The following CHMP5 variants were observed in gnomAD, a reference collection of about 807,000 sequenced individuals.
CHMP5 encodes the protein charged multivesicular body protein 5.
In CHMP5, 17 loss-of-function variants were observed where a neutral mutation model predicts 33.0. That is an observed-to-expected ratio of 0.52 (90% CI 0.35 to 0.77). The LOEUF (loss-of-function observed/expected upper bound fraction) is 0.77. CHMP5 is among the 30% of genes least tolerant of loss of function. CHMP5 has a pLI of 0.01. For synonymous variants in CHMP5, 76 were observed against 90.2 expected (o/e 0.84, Z 0.89); for missense variants, 216 against 261.5 (o/e 0.83, Z 1.20).
chr9:33,267,951 T>G, intron 3 of CHMP5, 52 bp downstream of exon 3: 4 of 1,209,056 alleles, frequency 3.3e-6, no homozygotes, highest in Non-Finnish European at 4.9e-6. Context: ...AAAAGAGAAA[T>G]GGTCTTCCAT....
At chr9:33,265,663 C>G (rs186013760) in intron 1 of CHMP5, among the ~76,000 whole-genome samples, 21 of 152,356 alleles carry the variant, frequency 1.4e-4, no homozygotes, top group African/African-American at 5.1e-4. Context: ...GCTGGTTTCA[C>G]TTGGCACTGG....
intron 5 of CHMP5, 139 bp downstream of exon 5, chr9:33,271,362 G>C (rs1820792743): frequency 5.9e-6 from 4 of 681,248 alleles, no homozygotes; most frequent in African/African-American, 1.8e-5. Context: ...CTTCGAGAAA[G>C]GGTACCAAAT....
At chr9:33,276,585 T>C (rs1820857843) in intron 6 of CHMP5, 21 bp downstream of exon 6, 7 of 1,385,216 alleles carry the variant, frequency 5.1e-6, no homozygotes, top group Non-Finnish European at 6.1e-6. Context: ...AGAAAAGTAA[T>C]GTATATTTAG....
chr9:33,270,749 T>C, intron 4 of CHMP5, 33 bp downstream of exon 4: 1 of 1,518,680 alleles, frequency 6.6e-7, no homozygotes, highest in Non-Finnish European at 9.1e-7. Context: ...TGTTATTTCA[T>C]GTATTTATTC....
At chr9:33,275,709 G>A (rs1820846601) in intron 5 of CHMP5, among the ~76,000 whole-genome samples, 1 of 152,028 alleles carries the variant, frequency 6.6e-6, no homozygotes. Context: ...CTTCCATGAG[G>A]CACTTTAAAA....
rs547842214 is a variant in CHMP5, at chr9:33,282,062, G to C, written c.*1203G>C. The C allele has an allele frequency of 6.6e-6, 1 of 152,290 alleles. No homozygotes were observed. The highest frequency in any genetic ancestry group is 1.9e-4 in the East Asian group (1 of 5,188). The allele number at this position is 152,290 out of a possible 1,614,324, so 9.4% of individuals were successfully genotyped here. ...TGCAGATCAAACCAATAAACATTTA[G>C]GAACACCAGCTTTGTAGAAGTCTCT... On this transcript the variant is annotated 3_prime_UTR_variant, in exon 8 of 8. Transcript: ENST00000223500.
intron 3 of CHMP5, among the ~76,000 whole-genome samples, chr9:33,269,645 A>T (rs879744251): frequency 6.6e-6 from 1 of 152,238 alleles, no homozygotes; most frequent in Admixed American, 6.5e-5. Context: ...TCACTTCTGT[A>T]TATTTATCAT....
rs953449698 is a variant in CHMP5 at position 33,267,847 on chromosome 9, C to T, written c.175-6C>T. On this transcript the variant is annotated splice_polypyrimidine_tract_variant and splice_region_variant and intron_variant, in intron 2 of 7. Coordinates refer to ENST00000223500, the MANE Select transcript of CHMP5 (RefSeq NM_016410.6). ...TTATTTTTATTAAATCTGTTTTTCTCTCCAGAATATGGTCAAGCAGAAAGC... is the reference window on the plus strand; with the variant it reads ...TTATTTTTATTAAATCTGTTTTTCTTTCCAGAATATGGTCAAGCAGAAAGC... 6 of 1,604,522 alleles carry T rather than the reference C, an allele frequency of 3.7e-6. No homozygotes were observed. The African/African-American group carries it at 4.0e-5, about 11-fold the overall frequency.
chr9:33,279,832 C>T (rs550576790), intron 7 of CHMP5, among the ~76,000 whole-genome samples: 1 of 145,512 alleles, frequency 6.9e-6, no homozygotes, highest in Admixed American at 7.0e-5. Flanking sequence ...CATTGTACCA[C>T]TCCAGCCTGG....
At position 33,278,178 on chromosome 9, in the gene CHMP5, T is replaced by C; in HGVS notation, c.562T>C (p.Ser188Pro). The C allele has an allele frequency of 6.2e-7, 1 of 1,613,572 alleles. No homozygotes were observed. The highest frequency in any genetic ancestry group is 1.7e-5 in the Admixed American group (1 of 59,998). ...EDSSYLDEAASAPAIPEGVPT... is the reference protein window; with the variant it reads ...EDSSYLDEAAPAPAIPEGVPT... ...CAGTTCTTATTTGGATGAGGCAGCA[T>C]CTGCACCTGCAATTCCAGAAGGTGT... Residue 188 changes from serine (S) to proline (P), a missense_variant, in exon 7 of 8, where the codon TCT becomes CCT. Ser to Pro is a moderately conservative substitution (Grantham distance 74). Transcript: ENST00000223500.
At chr9:33,266,974 T>A (rs1044547760) in intron 2 of CHMP5, among the ~76,000 whole-genome samples, 3 of 152,226 alleles carry the variant, frequency 2.0e-5, no homozygotes, top group African/African-American at 4.8e-5. Flanking sequence ...CCATAACTTA[T>A]TAACCATGTG....
rs974380437 is a variant in CHMP5 at position 33,266,049 on chromosome 9, C to T, written c.109C>T (p.Arg37Ter). The stretch of plus-strand genomic sequence containing the variant: ...AGAATCCATTGACAAGAAGATTTCT[C>T]GATTGGATGCTGAGCTAGTGAAGTA... Reference protein sequence around the residue: ...RAESIDKKISRLDAELVKYKD... With the variant: ...RAESIDKKIS The change falls in exon 2 of 8, where the codon CGA becomes TGA. Residue 37 changes from arginine (R) to a stop codon, truncating the protein, a stop_gained. Transcript: ENST00000223500. LOFTEE classifies it high-confidence loss of function. 10 of 1,613,248 alleles carry T rather than the reference C, an allele frequency of 6.2e-6. No individual in the cohort carries two copies. The highest frequency in any genetic ancestry group is 1.1e-5 in the South Asian group (1 of 91,040).
rs1203462824 is a variant in CHMP5, at chr9:33,281,227, G to A, written c.*368G>A. On this transcript the variant is annotated 3_prime_UTR_variant, in exon 8 of 8. Transcript: ENST00000223500. ...TGACCTGATAAATTGATAAGACAAA[G>A]ATGAGATTATTGGGGCTGTTCATAT... 4.5e-5 allele frequency: 8 copies of A among 176,716 alleles called. No individual in the cohort carries two copies. Among genetic ancestry groups the A allele is most frequent in the Non-Finnish European group, 7.1e-5 (6 of 84,504 alleles). 10.9% of individuals were successfully genotyped at this position (176,716 alleles called of 1,614,324 possible). A position where few individuals can be genotyped will look rare whatever the true frequency, so the allele number is the denominator to read the frequency against.
intron 7 of CHMP5, among the ~76,000 whole-genome samples, 200 bp from the exon 8 acceptor site, chr9:33,280,609 G>A (rs1820910777): frequency 6.6e-6 from 1 of 151,938 alleles, no homozygotes; most frequent in Admixed American, 6.6e-5. Context: ...GCCCCCTTTT[G>A]GCCCTTTCTA....
chr9:33,276,528 G>A lies in CHMP5; in HGVS notation c.460G>A (p.Gly154Ser), dbSNP rs1294775444. 1 of 1,609,664 alleles carries A rather than the reference G, an allele frequency of 6.2e-7. No individual in the cohort carries two copies. Residue 154 changes from glycine to serine, a missense_variant, in exon 6 of 8, where the codon GGC becomes AGC. Physicochemically the swap from Gly to Ser is moderately conservative, Grantham distance 56. Coordinates refer to ENST00000223500, the MANE Select transcript of CHMP5 (RefSeq NM_016410.6). Reference protein sequence around the residue: ...EIQEALSRSYGTPELDEDDLE... With the variant: ...EIQEALSRSYSTPELDEDDLE... Reference sequence around the variant, plus strand: ...CCAAGAAGCACTGAGTCGCAGTTATGGCACCCCAGAACTGGATGAAGATGA... The same window carrying A: ...CCAAGAAGCACTGAGTCGCAGTTATAGCACCCCAGAACTGGATGAAGATGA...
At chr9:33,272,922 T>C (rs1411990022) in intron 5 of CHMP5, among the ~76,000 whole-genome samples, 2 of 152,230 alleles carry the variant, frequency 1.3e-5, no homozygotes, top group Non-Finnish European at 2.9e-5. Context: ...TTAAACTTTG[T>C]GATACTCTCT....
chr9:33,275,627 T>C (rs914093260), intron 5 of CHMP5, among the ~76,000 whole-genome samples: 2 of 152,230 alleles, frequency 1.3e-5, no homozygotes, highest in Non-Finnish European at 2.9e-5. Context: ...ATTGCTTGAT[T>C]TAATGTTTCA....
intron 3 of CHMP5, among the ~76,000 whole-genome samples, 156 bp from the exon 4 acceptor site, chr9:33,270,467 A>T (rs1820780325): frequency 6.6e-6 from 1 of 152,180 alleles, no homozygotes; most frequent in Non-Finnish European, 1.5e-5. Flanking sequence ...AGAGTGATTA[A>T]ATTGTTTTTG....
rs143980148 is a variant in CHMP5, at chr9:33,277,572, C to T, written c.497-541C>T. Among the ~76,000 whole-genome samples, 434 of 152,114 alleles carry T rather than the reference C, an allele frequency of 2.9e-3. 2 individuals are homozygous for T. The highest frequency in any genetic ancestry group is 5.1e-3 in the Non-Finnish European group (348 of 68,004). On this transcript the variant is annotated intron_variant, in intron 6 of 7. Coordinates refer to ENST00000223500, the MANE Select transcript of CHMP5 (RefSeq NM_016410.6). ...TAGCCATTTAAGAGATGATGGTGGC[C>T]GAGACTAGCTAGGGTGATGGTAGCA...
Sources: allele counts gnomAD v4.1 joint callset (sites outside exome capture counted in the v4.1 genomes callset), GRCh38; gene constraint gnomAD v4.1.1; transcripts MANE v1.5; gene names NCBI Gene and HGNC (gene_info 2026-07-23, HGNC 2026-07-21).